The following PTCHD4 variants were observed in gnomAD, a reference collection of about 807,000 sequenced individuals.
The protein encoded by PTCHD4 is patched domain-containing protein 4.
PTCHD4 carries 33 observed loss-of-function variants against 58.1 expected under a neutral mutation model. The observed-to-expected ratio is 0.57, with a 90% confidence interval of 0.43 to 0.76. The LOEUF is 0.76. PTCHD4 is among the 30% of genes least tolerant of loss of function. The pLI is 0.00. For synonymous variants in PTCHD4, 478 were observed against 409.6 expected, an observed-to-expected ratio of 1.17 and a Z score of -2.02; for missense variants, 1,058 against 1,027.1, an observed-to-expected ratio of 1.03 and a Z score of -0.41.
intron 1 of PTCHD4, among the ~76,000 whole-genome samples, chr6:48,105,777 G>T (rs982758644): frequency 1.3e-5 from 2 of 152,052 alleles, no homozygotes; most frequent in East Asian, 1.9e-4. Flanking sequence ...TATCACCACC[G>T]ATCCCACAGA....
At chr6:47,956,179 G>C (rs1448689191) in intron 4 of PTCHD4, among the ~76,000 whole-genome samples, 1 of 152,106 alleles carries the variant, frequency 6.6e-6, no homozygotes, top group African/African-American at 2.4e-5. Context: ...TACCAATTTG[G>C]TTCTGTTTCT....
chr6:48,042,671 G>A (rs1056574000), intron 3 of PTCHD4, among the ~76,000 whole-genome samples: 3 of 151,736 alleles, frequency 2.0e-5, no homozygotes, highest in Non-Finnish European at 1.5e-5. Context: ...TTGACCAATA[G>A]TTTGGTCAAC....
At chr6:48,080,073 G>T (rs1474255073) in intron 1 of PTCHD4, among the ~76,000 whole-genome samples, 1 of 140,040 alleles carries the variant, frequency 7.1e-6, no homozygotes, top group East Asian at 2.2e-4. Flanking sequence ...AGAATCAGCA[G>T]ATGACTTTGT....
chr6:48,098,339 CTTCTTTTT>C (rs1765520282), intron 1 of PTCHD4, among the ~76,000 whole-genome samples: 1 of 147,762 alleles, frequency 6.8e-6, no homozygotes, highest in African/African-American at 2.6e-5. Context: ...TCTTCTTCTT[CTTCTTTTT>C]TTTTTTTTTG....
intron 4 of PTCHD4, among the ~76,000 whole-genome samples, chr6:47,973,338 AAAC>A (rs1177569120): frequency 6.6e-6 from 1 of 152,226 alleles, no homozygotes; most frequent in African/African-American, 2.4e-5. Flanking sequence ...ACAAGTACCC[AAAC>A]AACAAGGAAA....
chr6:47,899,298 T>C (rs9369753), intron 4 of PTCHD4, among the ~76,000 whole-genome samples: 100,175 of 152,094 alleles, frequency 0.66, 33,311 homozygotes, highest in East Asian at 0.78. Flanking sequence ...AATACCTGAG[T>C]TTTCACTGTA....
At chr6:47,990,592 A>G (rs910224537) in intron 4 of PTCHD4, among the ~76,000 whole-genome samples, 1 of 152,118 alleles carries the variant, frequency 6.6e-6, no homozygotes, top group African/African-American at 2.4e-5. Context: ...TCTTGCCACC[A>G]CCATATAAGA....
At chr6:47,949,870 G>GTT (rs71305747) in intron 4 of PTCHD4, among the ~76,000 whole-genome samples, 4 of 146,920 alleles carry the variant, frequency 2.7e-5, no homozygotes, top group Non-Finnish European at 4.5e-5. Flanking sequence ...AACTTGGATT[G>GTT]TTTTTTTTTT....
At chr6:48,038,289 G>A (rs1337053990) in intron 3 of PTCHD4, among the ~76,000 whole-genome samples, 1 of 152,050 alleles carries the variant, frequency 6.6e-6, no homozygotes, top group African/African-American at 2.4e-5. Flanking sequence ...CAGAAAACAG[G>A]AGTACCAGAG....
chr6:47,893,709 C>T (rs111340658), intron 4 of PTCHD4, among the ~76,000 whole-genome samples: 24 of 152,316 alleles, frequency 1.6e-4, no homozygotes, highest in African/African-American at 5.8e-4. Context: ...TACACAATTA[C>T]TGTGCTCCCT....
At chr6:47,943,471 G>A (rs1351934622) in intron 4 of PTCHD4, among the ~76,000 whole-genome samples, 5 of 152,172 alleles carry the variant, frequency 3.3e-5, no homozygotes, top group Non-Finnish European at 5.9e-5. Context: ...AAATTTACAC[G>A]TGCTGTGGGG....
At chr6:47,992,399 T>C (rs1255697682) in intron 4 of PTCHD4, among the ~76,000 whole-genome samples, 1 of 152,188 alleles carries the variant, frequency 6.6e-6, no homozygotes, top group Non-Finnish European at 1.5e-5. Flanking sequence ...TCCTTCCAAT[T>C]TACATGTTAT....
intron 4 of PTCHD4, among the ~76,000 whole-genome samples, chr6:47,978,269 CACT>C (rs1473704938): frequency 6.6e-6 from 1 of 152,096 alleles, no homozygotes; most frequent in African/African-American, 2.4e-5. Flanking sequence ...ATTAGTCCAA[CACT>C]ACTACTATTA....
chr6:47,949,656 C>T (rs1191545382), intron 4 of PTCHD4, among the ~76,000 whole-genome samples: 2 of 151,980 alleles, frequency 1.3e-5, no homozygotes, highest in African/African-American at 4.8e-5. Context: ...GTCTCTCTCT[C>T]TTTTTTTCCC....
At chr6:47,934,549 T>C (rs1303360930) in intron 4 of PTCHD4, among the ~76,000 whole-genome samples, 1 of 152,352 alleles carries the variant, frequency 6.6e-6, no homozygotes, top group East Asian at 1.9e-4. Flanking sequence ...TGTGACTTAG[T>C]TGCAAAAGTA....
In PTCHD4 at chr6:47,867,381, C is replaced by A. The variant is rs137957592; in HGVS notation, c.*10922G>T. On this transcript the variant is annotated 3_prime_UTR_variant, in exon 5 of 5. Coordinates refer to ENST00000339488, the MANE Select transcript of PTCHD4 (RefSeq NM_001384253.1). The stretch of plus-strand genomic sequence containing the variant: ...ATGTGATATTGCTCAGTTTTGGGAT[C>A]CTTGATTTTAACAGTTAAAATTCAA... 4.0e-5 allele frequency among the ~76,000 whole-genome samples: 6 copies of A among 151,786 alleles called. No homozygotes were observed. In the East Asian group the frequency reaches 1.2e-3, roughly 30 times the overall value.
At position 48,009,222 on chromosome 6, in the gene PTCHD4, T is replaced by C. The variant is rs1582013626; in HGVS notation, c.418-108A>G. Reference sequence around the variant, plus strand: ...GGAAGGCAGAGATAGGTGCTAGTAATTGTGAAACTGATGTGGGTGGAGAGG... The same window carrying C: ...GGAAGGCAGAGATAGGTGCTAGTAACTGTGAAACTGATGTGGGTGGAGAGG... On this transcript the variant is annotated intron_variant, in intron 3 of 4. Coordinates refer to ENST00000339488, the MANE Select transcript of PTCHD4 (RefSeq NM_001384253.1). The C allele has an allele frequency of 3.3e-6, 4 of 1,194,158 alleles. No individual in the cohort carries two copies. The East Asian group carries it at 7.6e-5, about 23-fold the overall frequency. The allele number at this position is 1,194,158 out of a possible 1,614,324, so 74.0% of individuals were successfully genotyped here.
At chr6:48,079,584 C>T (rs1007808644) in intron 1 of PTCHD4, among the ~76,000 whole-genome samples, 1 of 150,748 alleles carries the variant, frequency 6.6e-6, no homozygotes, top group Non-Finnish European at 1.5e-5. Context: ...GAGAAGGGGA[C>T]TTTGTAGGGA....
At chr6:47,946,904 C>G (rs1766440967) in intron 4 of PTCHD4, among the ~76,000 whole-genome samples, 1 of 152,028 alleles carries the variant, frequency 6.6e-6, no homozygotes, top group Non-Finnish European at 1.5e-5. Flanking sequence ...AGTGCAGTGC[C>G]ATGATCATAG....
Sources: allele counts gnomAD v4.1 joint callset (sites outside exome capture counted in the v4.1 genomes callset), GRCh38; gene constraint gnomAD v4.1.1; transcripts MANE v1.5; gene names NCBI Gene and HGNC (gene_info 2026-07-23, HGNC 2026-07-21).